The following SLC27A1 variants were observed in gnomAD, a reference collection of about 807,000 sequenced individuals.
SLC27A1 encodes solute carrier family 27 member 1, also known as long-chain fatty acid transport protein 1.
Under a neutral mutation model 62.2 loss-of-function variants are expected in SLC27A1, and 61 were observed. The observed-to-expected ratio is 0.98, with a 90% CI of 0.80 to 1.21. The LOEUF is 1.21. Ranked by LOEUF, SLC27A1 falls within the 50% of genes most tolerant of loss-of-function variation. SLC27A1 has a pLI of 0.00. For synonymous variants in SLC27A1, 435 were observed against 408.6 expected, an observed-to-expected ratio of 1.06 and a Z score of -0.78; for missense variants, 903 against 932.1, an observed-to-expected ratio of 0.97 and a Z score of 0.41.
At chr19:17,488,343 G>A (rs2075258728) in intron 4 of SLC27A1, among the ~76,000 whole-genome samples, 1 of 152,164 alleles carries the variant, frequency 6.6e-6, no homozygotes, top group Non-Finnish European at 1.5e-5. Flanking sequence ...GGATGATACA[G>A]CAAGACTCCC....
At chr19:17,485,836 A>C (rs1387901031) in intron 1 of SLC27A1, among the ~76,000 whole-genome samples, 2 of 151,880 alleles carry the variant, frequency 1.3e-5, no homozygotes, top group African/African-American at 4.8e-5. Flanking sequence ...AAAAAAAAAC[A>C]AAAAAACAGT....
At chr19:17,496,604 G>A in intron 6 of SLC27A1, 1 of 153,956 alleles carries the variant, frequency 6.5e-6, no homozygotes. Flanking sequence ...GGGTTGCCCT[G>A]CGGGGTGCCA....
At chr19:17,482,869 A>G (rs1183160220) in intron 1 of SLC27A1, among the ~76,000 whole-genome samples, 1 of 152,078 alleles carries the variant, frequency 6.6e-6, no homozygotes, top group African/African-American at 2.4e-5. Context: ...CCCTCTATTG[A>G]CTGAGCACAT....
intron 6 of SLC27A1, among the ~76,000 whole-genome samples, chr19:17,490,838 G>A (rs1049005979): frequency 6.6e-6 from 1 of 152,064 alleles, no homozygotes; most frequent in Admixed American, 6.6e-5. Flanking sequence ...GACCAGCCTG[G>A]CCAACAGGGT....
intron 6 of SLC27A1, among the ~76,000 whole-genome samples, chr19:17,495,237 A>G (rs1599666089): frequency 6.7e-6 from 1 of 150,186 alleles, no homozygotes; most frequent in East Asian, 2.0e-4. Context: ...GGCCCCCCAA[A>G]GTGCTGGGAT....
At position 17,497,372 on chromosome 19, in the gene SLC27A1, G is replaced by T; in HGVS notation, c.1114G>T (p.Glu372Ter). 1 of 1,603,874 alleles carries T rather than the reference G, an allele frequency of 6.2e-7. No individual in the cohort carries two copies. ...GAACGGGCTGCGTCCTGCCATCTGG[G>T]AGGAGTTCACGGAGCGCTTCGGCGT... ...VGNGLRPAIWEEFTERFGVRQ... is the reference protein window; with the variant it reads ...VGNGLRPAIW The change falls in exon 7 of 12, where the codon GAG becomes TAG. Residue 372 changes from glutamate to a stop codon, truncating the protein, a stop_gained. Transcript: ENST00000252595. LOFTEE classifies it high-confidence loss of function.
At chr19:17,490,798 TG>T (rs2075286646) in intron 6 of SLC27A1, among the ~76,000 whole-genome samples, 3 of 152,146 alleles carry the variant, frequency 2.0e-5, no homozygotes, top group South Asian at 4.1e-4. Flanking sequence ...GAGGCTGAGA[TG>T]GGCAGATCAC....
intron 1 of SLC27A1, among the ~76,000 whole-genome samples, chr19:17,478,586 G>A (rs538615144): frequency 3.9e-5 from 6 of 151,944 alleles, no homozygotes; most frequent in South Asian, 2.1e-4. Flanking sequence ...GGCCAGATGC[G>A]GTAGCTCACG....
At chr19:17,488,672 G>A (rs564661136) in intron 4 of SLC27A1, 176 bp from the exon 5 acceptor site, 21 of 629,394 alleles carry the variant, frequency 3.3e-5, no homozygotes, top group Middle Eastern at 4.2e-4. Context: ...TATATCCCTC[G>A]TGACACCTAA....
rs552185453 is a variant in SLC27A1, at chr19:17,504,884, T to TTTTC, written c.*288_*291dup. The TTTTC allele has an allele frequency of 3.0e-5, 19 of 637,118 alleles. No individual in the cohort carries two copies. The highest frequency in any genetic ancestry group is 1.2e-4 in the South Asian group (8 of 65,664). 39.5% of individuals were successfully genotyped at this position (637,118 alleles called of 1,614,324 possible). A position where few individuals can be genotyped will look rare whatever the true frequency, so the allele number is the denominator to read the frequency against. ...TGGCCTTAACTCTTCCCTCTTTTTC[T>TTTTC]TTTCTTTCTTTCTTTCTTTTTTTTT... is the stretch of plus-strand genomic sequence containing the variant. On this transcript the variant is annotated 3_prime_UTR_variant, in exon 12 of 12. Transcript: ENST00000252595.
intron 11 of SLC27A1, 65 bp downstream of exon 11, chr19:17,501,484 G>C (rs1250733331): frequency 6.4e-7 from 1 of 1,566,490 alleles, no homozygotes; most frequent in Admixed American, 1.7e-5. Context: ...TTCATGTCTT[G>C]GTCCATTTTG....
chr19:17,505,181 T>G lies in SLC27A1; in HGVS notation c.*569T>G, dbSNP rs1473703557. ...AGTGCTGGGATTATAGGCGTGAGCC[T>G]CTGGCCCGGCCTTTCCTTTTTCCTC... On this transcript the variant is annotated 3_prime_UTR_variant, in exon 12 of 12. Transcript: ENST00000252595. The G allele has an allele frequency of 6.4e-6, 2 of 313,088 alleles. No homozygotes were observed. Among genetic ancestry groups the G allele is most frequent in the Non-Finnish European group, 1.2e-5 (2 of 160,838 alleles). The allele number at this position is 313,088 out of a possible 1,614,324, so 19.4% of individuals were successfully genotyped here. A position where few individuals can be genotyped will look rare whatever the true frequency, so the allele number is the denominator to read the frequency against.
In SLC27A1 at chr19:17,500,550, C is replaced by T. The variant is rs745412900; in HGVS notation, c.1389C>T (p.Phe463=). 17 of 1,613,682 alleles carry T rather than the reference C, an allele frequency of 1.1e-5. No individual in the cohort carries two copies. The highest frequency in any genetic ancestry group is 6.7e-5 in the East Asian group (3 of 44,866). Residue 463 remains phenylalanine, a synonymous_variant, in exon 9 of 12, where the codon TTC becomes TTT. Coordinates refer to ENST00000252595, the MANE Select transcript of SLC27A1 (RefSeq NM_198580.3). ...QINQQDPLRR[F]DGYVSESATS... ...ACCAACAGGACCCGCTGCGCCGCTT[C>T]GATGGCTATGTCAGCGAGAGCGCCA...
upstream of SLC27A1, chr19:17,468,912 G>A (rs2075048097): frequency 6.6e-6 from 1 of 152,448 alleles, no homozygotes; most frequent in Non-Finnish European, 1.5e-5. Flanking sequence ...GGGTCCAGGA[G>A]TCTGCAGAAA....
At chr19:17,500,089 A>C in intron 7 of SLC27A1, 189 bp from the exon 8 acceptor site, 1 of 817,110 alleles carries the variant, frequency 1.2e-6, no homozygotes, top group South Asian at 1.8e-5. Flanking sequence ...CAGGCTGGGA[A>C]GGTGGGAGGA....
chr19:17,478,128 C>T (rs1178271443), intron 1 of SLC27A1, among the ~76,000 whole-genome samples: 15 of 152,112 alleles, frequency 9.9e-5, no homozygotes, highest in Admixed American at 8.5e-4. Flanking sequence ...GCGCCTCAGC[C>T]CTGTGCTTGG....
In SLC27A1 at chr19:17,489,137, T is replaced by C; in HGVS notation, c.996+20T>C. The C allele has an allele frequency of 6.2e-7, 1 of 1,601,546 alleles. No individual in the cohort carries two copies. ...TGCACGGTCAGGCCCTGCCCTGTTCTGTCTAGACCCCGCCCCTCCCAGCCA... is the reference window on the plus strand; with the variant it reads ...TGCACGGTCAGGCCCTGCCCTGTTCCGTCTAGACCCCGCCCCTCCCAGCCA... On this transcript the variant is annotated intron_variant, in intron 6 of 11. Coordinates refer to ENST00000252595, the MANE Select transcript of SLC27A1 (RefSeq NM_198580.3).
At position 17,486,987 on chromosome 19, in the gene SLC27A1, G is replaced by A; in HGVS notation, c.562+30G>A. ...GGCCAGGCGTGGGCATCAGGTGGGC[G>A]GGGACCCAGGACTGGCCCCTGGGCG... is the stretch of plus-strand genomic sequence containing the variant. On this transcript the variant is annotated intron_variant, in intron 2 of 11. Transcript: ENST00000252595. This position sits in a 1 kb window ranked among gnomAD's most constrained non-coding sequence, Gnocchi z 6.6. 1.3e-6 allele frequency: 2 copies of A among 1,548,290 alleles called. No individual in the cohort carries two copies. Among genetic ancestry groups the A allele is most frequent in the Admixed American group, 1.8e-5 (1 of 54,238 alleles).
intron 1 of SLC27A1, among the ~76,000 whole-genome samples, chr19:17,479,402 C>T (rs376621071): frequency 1.3e-5 from 2 of 152,142 alleles, no homozygotes; most frequent in African/African-American, 4.8e-5. Flanking sequence ...CCCCGTTAGT[C>T]ATCAGCCTGC....
Sources: allele counts gnomAD v4.1 joint callset (sites outside exome capture counted in the v4.1 genomes callset), GRCh38; gene constraint gnomAD v4.1.1; non-coding constraint Gnocchi (gnomAD v3.1); transcripts MANE v1.5; gene names NCBI Gene and HGNC (gene_info 2026-07-23, HGNC 2026-07-21).